Variants in CYB5RL observed in about 807,000 individuals in gnomAD.
CYB5RL encodes NADH-cytochrome b5 reductase-like.
A neutral mutation model predicts 37.5 loss-of-function variants in CYB5RL; 38 were observed. That is an observed-to-expected ratio of 1.01 (90% CI 0.78 to 1.33). CYB5RL has a LOEUF of 1.33. Among genes scored for constraint, CYB5RL ranks in the 40% most tolerant of loss-of-function variants. CYB5RL has a pLI of 0.00. For missense variants in CYB5RL, 388 were observed against 394.4 expected, an observed-to-expected ratio of 0.98 and a Z score of 0.14; for synonymous variants, 141 against 151.9, an observed-to-expected ratio of 0.93 and a Z score of 0.53.
chr1:54,195,098 A>G (rs1307295431), intron 3 of CYB5RL, among the ~76,000 whole-genome samples: 1 of 152,222 alleles, frequency 6.6e-6, no homozygotes, highest in African/African-American at 2.4e-5. Context: ...AATCCTCACT[A>G]TTTCACAGGG....
chr1:54,186,510 T>C (rs907583615), intron 5 of CYB5RL, among the ~76,000 whole-genome samples: 67 of 152,206 alleles, frequency 4.4e-4, no homozygotes, highest in African/African-American at 1.6e-3. Context: ...TTAGAGATAA[T>C]TAAGCATCTC....
intron 7 of CYB5RL, among the ~76,000 whole-genome samples, chr1:54,177,693 A>G (rs1660053646): frequency 6.6e-6 from 1 of 152,206 alleles, no homozygotes; most frequent in Non-Finnish European, 1.5e-5. Flanking sequence ...TATAAGCCTC[A>G]TAAGATTGTG....
At position 54,179,173 on chromosome 1, in the gene CYB5RL, G is replaced by A. The variant is rs1660093370; in HGVS notation, c.720C>T (p.Val240=). Residue 240 remains valine (V), a synonymous_variant, in exon 7 of 8, where the codon GTC becomes GTT. Coordinates refer to ENST00000534324, the MANE Select transcript of CYB5RL (RefSeq NM_001031672.4). ...CCTGGCTGAGTACAAAGAAGGTACG[G>A]ACATTCCAGAAACGGGCCTGCTCTT... ...FLQEQARFWN[V]RTFFVLSQES... 6.2e-7 allele frequency: 1 copy of A among 1,613,240 alleles called. No homozygotes were observed. Among genetic ancestry groups the A allele is most frequent in the Middle Eastern group, 1.6e-4 (1 of 6,062 alleles).
At chr1:54,190,259 G>A (rs1039701719) in intron 4 of CYB5RL, among the ~76,000 whole-genome samples, 10 of 152,206 alleles carry the variant, frequency 6.6e-5, no homozygotes, top group Admixed American at 6.5e-4. Flanking sequence ...TTAAATCCTG[G>A]CTCCGTGACT....
rs545344726 is a variant in CYB5RL at position 54,173,310 on chromosome 1, C to T, written c.*1309G>A. ...ATATATGAATGGGATAAAAATGCAG[C>T]TGCTCTGGTTGAAGGGGGTACTGGG... On this transcript the variant is annotated 3_prime_UTR_variant, in exon 8 of 8. Coordinates refer to ENST00000534324, the MANE Select transcript of CYB5RL (RefSeq NM_001031672.4). 6.6e-6 allele frequency: 1 copy of T among 152,346 alleles called. No homozygotes were observed. Among genetic ancestry groups the T allele is most frequent in the African/African-American group, 2.4e-5 (1 of 41,576 alleles). The allele number at this position is 152,346 out of a possible 1,614,324, so 9.4% of individuals were successfully genotyped here.
rs1644018132 is a variant in CYB5RL at position 54,197,370 on chromosome 1, T to TTC, written c.-222-880_-222-879insGA. Among the ~76,000 whole-genome samples the TTC allele has an allele frequency of 4.8e-5, 7 of 146,212 alleles. No homozygotes were observed. The Admixed American group carries it at 4.9e-4, about 10-fold the overall frequency. ...TCACTCTGTTGCCCAGGTTGCCAGG[T>TTC]TGGAGTACAGTAGCATGATCTTGAC... On this transcript the variant is annotated intron_variant, in intron 1 of 7. Coordinates refer to ENST00000534324, the MANE Select transcript of CYB5RL (RefSeq NM_001031672.4).
At chr1:54,187,165 C>A (rs1162743923) in intron 5 of CYB5RL, among the ~76,000 whole-genome samples, 4 of 152,108 alleles carry the variant, frequency 2.6e-5, no homozygotes, top group Non-Finnish European at 4.4e-5. Flanking sequence ...TGCATCCAAC[C>A]TACTTTGTTC....
In CYB5RL at chr1:54,174,750, T is replaced by C; in HGVS notation, c.817A>G (p.Ile273Val). 3 of 1,613,994 alleles carry C rather than the reference T, an allele frequency of 1.9e-6. No individual in the cohort carries two copies. The highest frequency in any genetic ancestry group is 2.5e-6 in the Non-Finnish European group (3 of 1,179,892). The change falls in exon 8 of 8, where the codon ATT becomes GTT. Residue 273 changes from isoleucine (I) to valine (V), a missense_variant. Ile to Val is a conservative substitution (Grantham distance 29). Coordinates refer to ENST00000534324, the MANE Select transcript of CYB5RL (RefSeq NM_001031672.4). The stretch of plus-strand genomic sequence containing the variant: ...CGACAGCAGCTGACCAGCTCTTTAA[T>C]TAGGTCCTGGCCCAGGTGGCCAAAG... ...THFGHLGQDL[I>V]KELVSCCRRK...
At chr1:54,187,619 G>A (rs778095513) in intron 5 of CYB5RL, 33 bp downstream of exon 5, 73 of 1,598,098 alleles carry the variant, frequency 4.6e-5, no homozygotes, top group Middle Eastern at 3.3e-4. Flanking sequence ...GCTTCTCCAC[G>A]GCATCTTGGA....
At chr1:54,184,073 GAGAATGGC>G in intron 6 of CYB5RL, 80 bp downstream of exon 6, 1 of 1,156,512 alleles carries the variant, frequency 8.6e-7, no homozygotes, top group Non-Finnish European at 1.3e-6. Flanking sequence ...TGAGCTCAAG[GAGAATGGC>G]ACAGTGAGAT....
chr1:54,189,528 C>T (rs778391998), intron 4 of CYB5RL, among the ~76,000 whole-genome samples: 1 of 152,176 alleles, frequency 6.6e-6, no homozygotes, highest in Non-Finnish European at 1.5e-5. Context: ...GACATCATTA[C>T]GGAGGCGATG....
At chr1:54,187,439 A>C (rs2275407) in intron 5 of CYB5RL, among the ~76,000 whole-genome samples, 6,583 of 152,186 alleles carry the variant, frequency 0.043, 377 homozygotes, top group East Asian at 0.26. Context: ...AAGCTCCTCC[A>C]TGTCCTACCT....
intron 4 of CYB5RL, 147 bp downstream of exon 4, chr1:54,190,601 G>T: frequency 1.0e-6 from 1 of 973,054 alleles, no homozygotes; most frequent in Non-Finnish European, 1.5e-6. Flanking sequence ...TCAATCCCAA[G>T]AACTCTCTGA....
rs1384620705 is a variant in CYB5RL, at chr1:54,171,646, T to C, written c.*2973A>G. The C allele has an allele frequency of 1.1e-5, 4 of 354,694 alleles. No individual in the cohort carries two copies. The highest frequency in any genetic ancestry group is 2.2e-5 in the Non-Finnish European group (4 of 179,510). 22.0% of individuals were successfully genotyped at this position (354,694 alleles called of 1,614,324 possible). A position where few individuals can be genotyped will look rare whatever the true frequency, so the allele number is the denominator to read the frequency against. On this transcript the variant is annotated 3_prime_UTR_variant, in exon 8 of 8. Transcript: ENST00000534324. ...TGGCTCACAGATTGTGGACACCTGG[T>C]TGACCTCTTGATGCCTGCGTATCAT...
chr1:54,197,317 C>CTTTTTTTTTTTTT (rs766084507), intron 1 of CYB5RL, among the ~76,000 whole-genome samples: 1 of 124,084 alleles, frequency 8.1e-6, no homozygotes, highest in Non-Finnish European at 1.6e-5. Context: ...CTTTTCTTTT[C>CTTTTTTTTTTTTT]TTTTTTTTTT....
intron 3 of CYB5RL, among the ~76,000 whole-genome samples, chr1:54,191,869 C>T (rs1234699597): frequency 2.0e-5 from 3 of 152,224 alleles, no homozygotes; most frequent in Non-Finnish European, 4.4e-5. Flanking sequence ...GAACACTGGA[C>T]TGGGAGTCGG....
At chr1:54,199,835 A>G (rs2100495218) in intron 1 of CYB5RL, 141 bp downstream of exon 1, 1 of 189,534 alleles carries the variant, frequency 5.3e-6, no homozygotes, top group East Asian at 1.6e-4. Flanking sequence ...AGGCATTTCT[A>G]TCCCTATTTT....
intron 1 of CYB5RL, 147 bp downstream of exon 1, chr1:54,199,829 A>C: frequency 5.4e-6 from 1 of 186,146 alleles, no homozygotes; most frequent in East Asian, 1.6e-4. Context: ...CAGCTTAGGC[A>C]TTTCTATCCC....
chr1:54,186,833 C>A (rs566834604), intron 5 of CYB5RL, among the ~76,000 whole-genome samples: 1 of 152,148 alleles, frequency 6.6e-6, no homozygotes, highest in African/African-American at 2.4e-5. Context: ...CTACTAGCAG[C>A]ACTTCTTACT....
Sources: allele counts gnomAD v4.1 joint callset (sites outside exome capture counted in the v4.1 genomes callset), GRCh38; gene constraint gnomAD v4.1.1; transcripts MANE v1.5; gene names NCBI Gene and HGNC (gene_info 2026-07-23, HGNC 2026-07-21).